The following CATSPERD variants were observed in gnomAD, a reference collection of about 807,000 sequenced individuals.
CATSPERD encodes the protein cation channel sperm-associated auxiliary subunit delta.
Under a neutral mutation model 98.1 loss-of-function variants are expected in CATSPERD, and 86 were observed. That is an observed-to-expected ratio of 0.88 (90% confidence interval 0.74 to 1.05). CATSPERD has a LOEUF of 1.05. Ranked by LOEUF, CATSPERD falls within the 50% of genes least tolerant of loss-of-function variation. The probability of loss-of-function intolerance (pLI) is 0.00; values close to 1 mark genes in which losing one functional copy is unlikely to be tolerated. For missense variants in CATSPERD, 995 were observed against 1,005.7 expected, an observed-to-expected ratio of 0.99 and a Z score of 0.14; for synonymous variants, 394 against 390.2, an observed-to-expected ratio of 1.01 and a Z score of -0.12.
chr19:5,734,755 T>C (rs2055809254), intron 5 of CATSPERD, among the ~76,000 whole-genome samples: 1 of 151,392 alleles, frequency 6.6e-6, no homozygotes, highest in Non-Finnish European at 1.5e-5. Flanking sequence ...TGAGCTGAGA[T>C]TGGGCCACTG....
intron 1 of CATSPERD, among the ~76,000 whole-genome samples, chr19:5,721,749 T>C (rs1340799567): frequency 6.6e-6 from 1 of 151,720 alleles, no homozygotes; most frequent in Non-Finnish European, 1.5e-5. Context: ...CTTTGAGAGG[T>C]AGAGGTGGGC....
In CATSPERD at chr19:5,730,561, A is replaced by AAAATAAAATAAAT. The variant is rs1555717742; in HGVS notation, c.276+624_276+625insATAAATAAATAAA. Among the ~76,000 whole-genome samples the AAAATAAAATAAAT allele has an allele frequency of 4.9e-4, 73 of 149,288 alleles. 1 individual carries two copies. The highest frequency in any genetic ancestry group is 1.8e-3 in the African/African-American group (72 of 40,732). On this transcript the variant is annotated intron_variant, in intron 4 of 21. Transcript: ENST00000381624. ...CTGTCTTAAAAAATAATAATAAAAT[A>AAAATAAAATAAAT]AAATAAATAAATAAATAATAGATAG...
intron 11 of CATSPERD, among the ~76,000 whole-genome samples, chr19:5,749,638 A>C (rs2056165883): frequency 6.6e-6 from 1 of 152,056 alleles, no homozygotes; most frequent in African/African-American, 2.4e-5. Flanking sequence ...CGTGTATTAC[A>C]TTATTTAACC....
intron 12 of CATSPERD, among the ~76,000 whole-genome samples, chr19:5,752,258 G>A (rs925584978): frequency 3.3e-5 from 5 of 151,480 alleles, no homozygotes; most frequent in Middle Eastern, 3.2e-3. Context: ...GCAATGAGCC[G>A]AGATCACACC....
At position 5,739,373 on chromosome 19, in the gene CATSPERD, C is replaced by A; in HGVS notation, c.507C>A (p.Ser169=). The stretch of plus-strand genomic sequence containing the variant: ...CATATTTCCGTGGAGATCAGATATC[C>A]CAGACTTATATATATTATTCAAATA... The part of the protein sequence containing the change: ...VFAYFRGDQI[S]QTYIYYSNTG... The change falls in exon 7 of 22, where the codon TCC becomes TCA. Residue 169 remains serine, a synonymous_variant. Transcript: ENST00000381624. The A allele has an allele frequency of 6.3e-7, 1 of 1,588,142 alleles. No individual in the cohort carries two copies. The highest frequency in any genetic ancestry group is 8.5e-7 in the Non-Finnish European group (1 of 1,170,022).
Position 5,745,983 on chromosome 19 carries a change from T to G in CATSPERD, c.728T>G (p.Leu243Arg), listed in dbSNP as rs771757701. 1 of 1,614,156 alleles carries G rather than the reference T, an allele frequency of 6.2e-7. No homozygotes were observed. Among genetic ancestry groups the G allele is most frequent in the South Asian group, 1.1e-5 (1 of 91,082 alleles). The change falls in exon 9 of 22, where the codon CTA (leucine) becomes CGA (arginine). Residue 243 changes from leucine (L) to arginine (R), a missense_variant. Leu to Arg is a moderately radical substitution (Grantham distance 102). Around this residue, in one of 3 missense-constraint regions of CATSPERD, gnomAD observed 762 missense variants for 773.7 expected, o/e 0.98. Transcript: ENST00000381624. Reference sequence around the variant, plus strand: ...CTGTCTTTTGACTATAATGGGACTCTAGACATCCTCATCGCCCCCGGCCAG... The same window carrying G: ...CTGTCTTTTGACTATAATGGGACTCGAGACATCCTCATCGCCCCCGGCCAG... ...FGLSFDYNGTLDILIAPGQRG... is the reference protein window; with the variant it reads ...FGLSFDYNGTRDILIAPGQRG...
chr19:5,720,916 T>A (rs959714653), intron 1 of CATSPERD, 108 bp downstream of exon 1: 2 of 869,950 alleles, frequency 2.3e-6, no homozygotes, highest in African/African-American at 3.4e-5. Flanking sequence ...GCTCCCCTTT[T>A]ACTCTTTTTA....
intron 4 of CATSPERD, among the ~76,000 whole-genome samples, chr19:5,732,438 T>G (rs2055744861): frequency 7.1e-6 from 1 of 141,442 alleles, no homozygotes; most frequent in African/African-American, 2.6e-5. Context: ...GTTTGTTTGT[T>G]TTTGTTTTTT....
intron 4 of CATSPERD, among the ~76,000 whole-genome samples, chr19:5,732,968 T>C (rs2485258): frequency 0.8 from 120,906 of 151,928 alleles, 48,242 homozygotes; most frequent in East Asian, 0.88. Context: ...TGAGCCACCA[T>C]GCTCGGCCAT....
chr19:5,727,982 G>T (rs1052421209), intron 3 of CATSPERD, among the ~76,000 whole-genome samples: 1 of 149,754 alleles, frequency 6.7e-6, no homozygotes, highest in African/African-American at 2.5e-5. Flanking sequence ...CTGGAGGATC[G>T]CTGGAAGCTA....
chr19:5,749,313 G>T, intron 11 of CATSPERD, 130 bp downstream of exon 11: 1 of 495,822 alleles, frequency 2.0e-6, no homozygotes, highest in Non-Finnish European at 3.5e-6. Flanking sequence ...CCAACATGGT[G>T]AAACCCTGTC....
intron 21 of CATSPERD, 101 bp downstream of exon 21, chr19:5,776,416 C>A: frequency 2.3e-6 from 3 of 1,317,428 alleles, no homozygotes; most frequent in Admixed American, 2.2e-5. Context: ...AACCTGAATT[C>A]CCCCAACAGC....
chr19:5,774,417 G>A (rs2056704506), intron 20 of CATSPERD, among the ~76,000 whole-genome samples: 1 of 151,766 alleles, frequency 6.6e-6, no homozygotes, highest in African/African-American at 2.4e-5. Context: ...TCCTGGACAG[G>A]CACAGTGGCT....
At chr19:5,749,996 G>T (rs1283341943) in intron 11 of CATSPERD, among the ~76,000 whole-genome samples, 1 of 150,740 alleles carries the variant, frequency 6.6e-6, no homozygotes, top group African/African-American at 2.4e-5. Context: ...TGGAGTCAGG[G>T]TTTCACCATA....
intron 18 of CATSPERD, among the ~76,000 whole-genome samples, chr19:5,768,978 A>G (rs929366704): frequency 1.3e-5 from 2 of 151,746 alleles, no homozygotes; most frequent in Non-Finnish European, 2.9e-5. Context: ...ACATGGCAAA[A>G]CCCCATCTCT....
chr19:5,745,206 C>T (rs564660569), intron 8 of CATSPERD, among the ~76,000 whole-genome samples: 1 of 152,216 alleles, frequency 6.6e-6, no homozygotes, highest in African/African-American at 2.4e-5. Context: ...CCGCCGCGGC[C>T]TCCCCCAGTG....
intron 11 of CATSPERD, among the ~76,000 whole-genome samples, chr19:5,751,382 A>C (rs1251700128): frequency 1.3e-5 from 2 of 149,242 alleles, no homozygotes; most frequent in African/African-American, 2.5e-5. Flanking sequence ...AGAAAAAAAA[A>C]ATTAGCCGGG....
chr19:5,730,561 A>AAATAAAT (rs138756212), intron 4 of CATSPERD, among the ~76,000 whole-genome samples: 36 of 149,284 alleles, frequency 2.4e-4, no homozygotes, highest in African/African-American at 7.1e-4. Flanking sequence ...ATAATAAAAT[A>AAATAAAT]AAATAAATAA....
At chr19:5,757,389 C>G (rs1376561884) in intron 13 of CATSPERD, among the ~76,000 whole-genome samples, 1 of 149,520 alleles carries the variant, frequency 6.7e-6, no homozygotes, top group Non-Finnish European at 1.5e-5. Flanking sequence ...CTTTTGCCTC[C>G]TGGGTTCAAG....
Sources: gnomAD v4.1 joint callset for allele counts (sites outside exome capture counted in the v4.1 genomes callset) on GRCh38, gnomAD v4.1.1 for gene constraint, gnomAD v4.1.1 regional missense constraint, MANE v1.5 for transcripts, NCBI Gene and HGNC (gene_info 2026-07-23, HGNC 2026-07-21) for gene names.